Variants in CDK14 observed in about 807,000 individuals in gnomAD.
CDK14 encodes the protein cyclin-dependent kinase 14.
CDK14 carries 34 observed loss-of-function variants against 60.7 expected under a neutral mutation model. The observed-to-expected ratio is 0.56, with a 90% CI of 0.43 to 0.75. CDK14 has a LOEUF of 0.75. CDK14 is among the 30% of genes least tolerant of loss of function. The probability of loss-of-function intolerance (pLI) is 0.00; values close to 1 mark genes in which losing one functional copy is unlikely to be tolerated. For missense variants in CDK14, 482 were observed against 564.1 expected, an observed-to-expected ratio of 0.85 and a Z score of 1.47; for synonymous variants, 197 against 203.7, an observed-to-expected ratio of 0.97 and a Z score of 0.28.
chr7:91,139,257 A>C lies in CDK14; in HGVS notation c.*28+21049A>C, dbSNP rs555259498. Among the ~76,000 whole-genome samples, 13 of 152,316 alleles carry C rather than the reference A, an allele frequency of 8.5e-5. No individual in the cohort carries two copies. The South Asian group carries it at 2.7e-3, about 32-fold the overall frequency. On this transcript the variant is annotated intron_variant, in intron 14 of 14. Transcript: ENST00000380050. ...TTGGATAGTGATATCAATCTAGTAGACTGGAGAAAGTACTTCGCAAGTGGA... is the reference window on the plus strand; with the variant it reads ...TTGGATAGTGATATCAATCTAGTAGCCTGGAGAAAGTACTTCGCAAGTGGA...
chr7:91,133,823 G>C (rs1276983093), intron 14 of CDK14, among the ~76,000 whole-genome samples: 4 of 152,114 alleles, frequency 2.6e-5, no homozygotes, highest in African/African-American at 9.7e-5. Context: ...CTCATTACCA[G>C]ATTCTCCTCT....
chr7:90,810,351 A>G (rs1789041887), intron 5 of CDK14, among the ~76,000 whole-genome samples: 1 of 152,228 alleles, frequency 6.6e-6, no homozygotes, highest in Admixed American at 6.5e-5. Flanking sequence ...CAGCGTAGAA[A>G]CAGAACCAAA....
At chr7:90,816,906 C>T (rs145742442) in intron 5 of CDK14, among the ~76,000 whole-genome samples, 2 of 152,188 alleles carry the variant, frequency 1.3e-5, no homozygotes, top group East Asian at 1.9e-4. Flanking sequence ...AGTCCTAGAG[C>T]GAGTAGGTAG....
chr7:90,786,764 T>TTC (rs2116952553), intron 4 of CDK14, among the ~76,000 whole-genome samples: 1 of 151,174 alleles, frequency 6.6e-6, no homozygotes, highest in East Asian at 2.0e-4. Context: ...AATTTTTTTT[T>TTC]TTAAATTAGC....
chr7:90,726,792 C>T lies in CDK14; in HGVS notation c.349C>T (p.Arg117Trp), dbSNP rs762863542. The change falls in exon 3 of 15, where the codon CGG (arginine) becomes TGG (tryptophan). Residue 117 changes from arginine to tryptophan, a missense_variant. Physicochemically the swap from Arg to Trp is moderately radical, Grantham distance 101. Coordinates refer to ENST00000380050, the MANE Select transcript of CDK14 (RefSeq NM_001287135.2). ...TGGCAAAGAGTCACCTAAAGTTAGG[C>T]GGCACTCCAGCCCCAGCTCGGTAAG... The part of the protein sequence containing the change: ...STGKESPKVR[R>W]HSSPSSPTSP... 91 of 1,613,408 alleles carry T rather than the reference C, an allele frequency of 5.6e-5. 2 individuals carry two copies. Among genetic ancestry groups the T allele is most frequent in the Non-Finnish European group, 7.0e-5 (83 of 1,179,742 alleles).
intron 5 of CDK14, among the ~76,000 whole-genome samples, chr7:90,806,177 A>G (rs1309229133): frequency 6.6e-6 from 1 of 152,192 alleles, no homozygotes; most frequent in Non-Finnish European, 1.5e-5. Flanking sequence ...TAAAAGTTAA[A>G]ACTTCTGGAA....
At chr7:91,200,425 T>G (rs1802678169) in intron 14 of CDK14, among the ~76,000 whole-genome samples, 1 of 152,216 alleles carries the variant, frequency 6.6e-6, no homozygotes, top group Non-Finnish European at 1.5e-5. Context: ...ATTTGTTTGT[T>G]TTTCTTGGTA....
intron 6 of CDK14, among the ~76,000 whole-genome samples, chr7:90,869,370 C>G (rs1791293976): frequency 2.0e-5 from 3 of 152,166 alleles, no homozygotes; most frequent in Admixed American, 2.0e-4. Flanking sequence ...GAAAGCTTGT[C>G]TGAGGAACAG....
intron 14 of CDK14, among the ~76,000 whole-genome samples, chr7:91,122,812 T>C (rs1799820868): frequency 6.6e-6 from 1 of 152,202 alleles, no homozygotes; most frequent in Non-Finnish European, 1.5e-5. Flanking sequence ...GTAGCCATCA[T>C]CATGAAGCAG....
intron 10 of CDK14, among the ~76,000 whole-genome samples, chr7:90,988,320 C>T (rs1795432172): frequency 6.6e-6 from 1 of 152,080 alleles, no homozygotes; most frequent in Non-Finnish European, 1.5e-5. Context: ...CATTGTGATA[C>T]ATGCAAGAAA....
In CDK14 at chr7:90,797,989, T is replaced by A. The variant is rs1196328939; in HGVS notation, c.544+7337T>A. 1.3e-5 allele frequency among the ~76,000 whole-genome samples: 2 copies of A among 152,020 alleles called. 1 individual carries two copies. Among genetic ancestry groups the A allele is most frequent in the Non-Finnish European group, 2.9e-5 (2 of 68,034 alleles). ...CACCCTACTTGCAAAAAATAGGAGT[T>A]GGATTATGCCATCTCTTAAGAACTA... On this transcript the variant is annotated intron_variant, in intron 5 of 14. Coordinates refer to ENST00000380050, the MANE Select transcript of CDK14 (RefSeq NM_001287135.2).
At chr7:91,145,917 G>T (rs578223133) in intron 14 of CDK14, among the ~76,000 whole-genome samples, 5,745 of 105,414 alleles carry the variant, frequency 0.054, 137 homozygotes, top group Admixed American at 0.076. Flanking sequence ...AACCTGGCTT[G>T]CTTTATTTAT....
intron 14 of CDK14, among the ~76,000 whole-genome samples, chr7:91,188,518 A>C (rs1212417428): frequency 1.3e-5 from 2 of 152,188 alleles, no homozygotes; most frequent in African/African-American, 4.8e-5. Flanking sequence ...CTAGAAACTC[A>C]GGGCCAAAGT....
At chr7:90,630,903 TG>T (rs1799981935) in intron 2 of CDK14, among the ~76,000 whole-genome samples, 1 of 152,030 alleles carries the variant, frequency 6.6e-6, no homozygotes, top group Non-Finnish European at 1.5e-5. Flanking sequence ...TGTGTGTGTG[TG>T]TGTGTGTGTG....
chr7:90,869,829 A>G (rs1584067027), intron 6 of CDK14, among the ~76,000 whole-genome samples: 1 of 152,142 alleles, frequency 6.6e-6, no homozygotes, highest in African/African-American at 2.4e-5. Context: ...TCCACTAAGC[A>G]CCCTGCTGCC....
chr7:90,964,270 A>G (rs1315150591), intron 9 of CDK14, among the ~76,000 whole-genome samples: 1 of 152,122 alleles, frequency 6.6e-6, no homozygotes, highest in Non-Finnish European at 1.5e-5. Flanking sequence ...CAGGGGTTTT[A>G]ACACAAGTGA....
At chr7:90,949,014 C>A (rs1477894202) in intron 8 of CDK14, among the ~76,000 whole-genome samples, 1 of 151,950 alleles carries the variant, frequency 6.6e-6, no homozygotes, top group Non-Finnish European at 1.5e-5. Context: ...TCCCAGAAAA[C>A]CATATTGTTT....
At chr7:90,932,739 C>T (rs1408511831) in intron 8 of CDK14, among the ~76,000 whole-genome samples, 1 of 152,212 alleles carries the variant, frequency 6.6e-6, no homozygotes. Flanking sequence ...TAGCTGGGTG[C>T]CTCTGCCTCC....
intron 3 of CDK14, among the ~76,000 whole-genome samples, chr7:90,734,639 T>C (rs572153151): frequency 6.8e-6 from 1 of 147,454 alleles, no homozygotes; most frequent in South Asian, 2.2e-4. Context: ...AAAGTTCTTG[T>C]GCTATGTTTG....
Sources: gnomAD v4.1 joint callset for allele counts (sites outside exome capture counted in the v4.1 genomes callset) on GRCh38, gnomAD v4.1.1 for gene constraint, MANE v1.5 for transcripts, NCBI Gene and HGNC (gene_info 2026-07-23, HGNC 2026-07-21) for gene names.